The following REC114 variants were observed in gnomAD, a reference collection of about 807,000 sequenced individuals.
REC114 encodes REC114 meiotic recombination protein.
REC114 carries 27 observed loss-of-function variants against 31.3 expected under a neutral mutation model. The ratio of observed to expected loss-of-function variants is 0.86; its 90% CI spans 0.64 to 1.19. The LOEUF (loss-of-function observed/expected upper bound fraction) is 1.19. Ranked by LOEUF, REC114 falls within the 50% of genes most tolerant of loss-of-function variation. The probability of loss-of-function intolerance (pLI) is 0.00; values close to 1 mark genes in which losing one functional copy is unlikely to be tolerated. For synonymous variants in REC114, 134 were observed against 127.7 expected, an observed-to-expected ratio of 1.05 and a Z score of -0.33; for missense variants, 344 against 326.9, an observed-to-expected ratio of 1.05 and a Z score of -0.40.
chr15:73,538,715 A>G (rs572314954), intron 2 of REC114, among the ~76,000 whole-genome samples: 4 of 152,062 alleles, frequency 2.6e-5, no homozygotes, highest in African/African-American at 9.6e-5. Context: ...TCGGCCTCCC[A>G]AAGTGCTGGA....
intron 2 of REC114, among the ~76,000 whole-genome samples, chr15:73,507,609 T>C (rs1040987264): frequency 2.6e-5 from 4 of 152,186 alleles, no homozygotes; most frequent in Non-Finnish European, 4.4e-5. Flanking sequence ...TGTACATATG[T>C]ATTAAATATT....
chr15:73,472,389 TA>T (rs905861986), intron 1 of REC114, among the ~76,000 whole-genome samples: 2 of 152,228 alleles, frequency 1.3e-5, no homozygotes, highest in African/African-American at 4.8e-5. Flanking sequence ...TCTAAAATGT[TA>T]TTCACTTTTT....
chr15:73,489,498 G>A (rs1001389811), intron 2 of REC114, among the ~76,000 whole-genome samples: 3 of 151,674 alleles, frequency 2.0e-5, no homozygotes, highest in Non-Finnish European at 4.4e-5. Flanking sequence ...GAGCCACCAC[G>A]CCTGGCACCT....
chr15:73,493,007 T>C (rs1171887397), intron 2 of REC114, among the ~76,000 whole-genome samples: 1 of 151,758 alleles, frequency 6.6e-6, no homozygotes, highest in Non-Finnish European at 1.5e-5. Context: ...TCTTTATTTT[T>C]TTTTATTTTT....
chr15:73,507,685 G>A (rs1302165346), intron 2 of REC114, among the ~76,000 whole-genome samples: 2 of 152,148 alleles, frequency 1.3e-5, no homozygotes, highest in Non-Finnish European at 2.9e-5. Flanking sequence ...AGTGTTTTAT[G>A]TGTATATATG....
intron 1 of REC114, among the ~76,000 whole-genome samples, chr15:73,465,568 G>A (rs1057460166): frequency 6.6e-6 from 1 of 151,810 alleles, no homozygotes; most frequent in African/African-American, 2.4e-5. Context: ...CTAGCTCTTA[G>A]CATTATCTCA....
intron 2 of REC114, among the ~76,000 whole-genome samples, chr15:73,520,645 C>T (rs144280477): frequency 6.6e-6 from 1 of 152,086 alleles, no homozygotes; most frequent in Non-Finnish European, 1.5e-5. Flanking sequence ...CCCATTTTGC[C>T]CTGGATATGC....
intron 1 of REC114, among the ~76,000 whole-genome samples, chr15:73,464,792 CT>C (rs934551058): frequency 1.3e-5 from 2 of 152,202 alleles, no homozygotes; most frequent in African/African-American, 4.8e-5. Flanking sequence ...TTAGTACCTC[CT>C]TTCTCCTGTA....
intron 5 of REC114, among the ~76,000 whole-genome samples, chr15:73,557,613 G>T (rs1283209400): frequency 1.3e-5 from 2 of 152,028 alleles, no homozygotes. Context: ...ATTTGCATTG[G>T]GGTTAGGGGC....
At chr15:73,547,679 G>A (rs1346973345) in intron 3 of REC114, among the ~76,000 whole-genome samples, 1 of 152,082 alleles carries the variant, frequency 6.6e-6, no homozygotes, top group Non-Finnish European at 1.5e-5. Context: ...AAGAAAATGT[G>A]GTACTTATAC....
intron 2 of REC114, among the ~76,000 whole-genome samples, chr15:73,530,686 T>C (rs1595878643): frequency 6.6e-6 from 1 of 152,284 alleles, no homozygotes; most frequent in East Asian, 1.9e-4. Context: ...TCCCAATCTT[T>C]TGCTTTGTTT....
At chr15:73,508,394 C>T (rs1893712723) in intron 2 of REC114, among the ~76,000 whole-genome samples, 1 of 150,184 alleles carries the variant, frequency 6.7e-6, no homozygotes, top group Admixed American at 6.6e-5. Context: ...GTATATATAT[C>T]AAGACTACCC....
At chr15:73,504,691 G>A (rs1893651981) in intron 2 of REC114, among the ~76,000 whole-genome samples, 1 of 152,154 alleles carries the variant, frequency 6.6e-6, no homozygotes, top group African/African-American at 2.4e-5. Context: ...TTGGGGTAGA[G>A]AGGAGCAGGC....
At chr15:73,461,822 G>A (rs539701205) in intron 1 of REC114, among the ~76,000 whole-genome samples, 2 of 151,214 alleles carry the variant, frequency 1.3e-5, no homozygotes, top group East Asian at 3.9e-4. Context: ...ACGAAGAGAA[G>A]ATGTAAACTT....
intron 3 of REC114, among the ~76,000 whole-genome samples, chr15:73,544,465 C>A (rs75712567): frequency 0.095 from 14,438 of 152,156 alleles, 837 homozygotes; most frequent in African/African-American, 0.15. Context: ...CATTATATTT[C>A]TTTTCTCTCT....
rs774456656 is a variant in REC114, at chr15:73,559,804, G to T, written c.689G>T (p.Gly230Val). 2.4e-5 allele frequency: 39 copies of T among 1,612,302 alleles called. No homozygotes were observed. Among genetic ancestry groups the T allele is most frequent in the Middle Eastern group, 1.6e-4 (1 of 6,062 alleles). The part of the protein sequence containing the change: ...LPHVYEQSAW[G>V]AEELGPFLRL... Reference sequence around the variant, plus strand: ...CATGTCTATGAACAATCTGCATGGGGTGCAGAAGAGTTAGGCCCCTTCCTA... The same window carrying T: ...CATGTCTATGAACAATCTGCATGGGTTGCAGAAGAGTTAGGCCCCTTCCTA... The change falls in exon 6 of 6, where the codon GGT becomes GTT. Residue 230 changes from glycine (G) to valine (V), a missense_variant. By Grantham distance (109) the Gly-to-Val change is moderately radical. Transcript: ENST00000331090.
At chr15:73,512,879 T>A (rs924923408) in intron 2 of REC114, among the ~76,000 whole-genome samples, 3 of 150,772 alleles carry the variant, frequency 2.0e-5, no homozygotes, top group African/African-American at 7.4e-5. Flanking sequence ...CCCTTAACAT[T>A]TTTTCCTTTA....
intron 3 of REC114, among the ~76,000 whole-genome samples, chr15:73,541,796 C>G (rs893639511): frequency 2.6e-5 from 4 of 151,854 alleles, no homozygotes; most frequent in Non-Finnish European, 5.9e-5. Context: ...GTTATACATG[C>G]TGTATGTTTG....
Position 73,537,585 on chromosome 15 carries a change from C to T in REC114, c.250-2900C>T, listed in dbSNP as rs1041610424. 2.0e-5 allele frequency among the ~76,000 whole-genome samples: 3 copies of T among 152,234 alleles called. No homozygotes were observed. In the East Asian group the frequency reaches 5.8e-4, roughly 29 times the overall value. ...TTTTAAAATTGTGGTAAAAAACATG[C>T]GACATGAAATTTACCCTCATTTTAA... On this transcript the variant is annotated intron_variant, in intron 2 of 5. Coordinates refer to ENST00000331090, the MANE Select transcript of REC114 (RefSeq NM_001042367.2).
Sources: gnomAD v4.1 joint callset for allele counts (sites outside exome capture counted in the v4.1 genomes callset) on GRCh38, gnomAD v4.1.1 for gene constraint, MANE v1.5 for transcripts, NCBI Gene and HGNC (gene_info 2026-07-23, HGNC 2026-07-21) for gene names.